Variants in NALCN observed in about 807,000 individuals in gnomAD.
NALCN encodes the protein sodium leak channel NALCN.
NALCN carries 111 observed loss-of-function variants against 225.3 expected under a neutral mutation model. The ratio of observed to expected loss-of-function variants is 0.49; its 90% confidence interval spans 0.42 to 0.58. NALCN has a LOEUF of 0.58. Ranked by LOEUF, NALCN falls within the 20% of genes least tolerant of loss-of-function variation. NALCN has a pLI of 0.00. For synonymous variants in NALCN, 764 were observed against 769.0 expected, an observed-to-expected ratio of 0.99 and a Z score of 0.11; for missense variants, 1,378 against 2,202.4, an observed-to-expected ratio of 0.63 and a Z score of 7.49.
chr13:101,224,603 T>TC (rs1459018310), intron 13 of NALCN, among the ~76,000 whole-genome samples: 8 of 152,236 alleles, frequency 5.3e-5, no homozygotes, highest in African/African-American at 1.4e-4. Context: ...ACACAGCCCT[T>TC]CCTACACCCC....
chr13:101,353,341 C>T (rs1446027661), intron 6 of NALCN, among the ~76,000 whole-genome samples: 1 of 152,166 alleles, frequency 6.6e-6, no homozygotes, highest in Non-Finnish European at 1.5e-5. Context: ...TTACAGAAAA[C>T]TTAGTCTGGC....
intron 15 of NALCN, among the ~76,000 whole-genome samples, chr13:101,159,543 G>A (rs183158680): frequency 6.6e-6 from 1 of 152,178 alleles, no homozygotes; most frequent in Non-Finnish European, 1.5e-5. Flanking sequence ...AGAAAACCAT[G>A]CAGCATGAAC....
intron 9 of NALCN, among the ~76,000 whole-genome samples, chr13:101,289,367 TG>T (rs2043462425): frequency 6.6e-6 from 1 of 152,172 alleles, no homozygotes; most frequent in Non-Finnish European, 1.5e-5. Flanking sequence ...AGGCATTTGG[TG>T]GTGACCATTC....
At chr13:101,319,721 A>G (rs767081293) in intron 7 of NALCN, among the ~76,000 whole-genome samples, 2 of 152,186 alleles carry the variant, frequency 1.3e-5, no homozygotes, top group Non-Finnish European at 2.9e-5. Flanking sequence ...TGCATAGAAG[A>G]AGGATTTTCT....
At chr13:101,398,882 C>T in intron 2 of NALCN, 137 bp downstream of exon 2, 1 of 587,124 alleles carries the variant, frequency 1.7e-6, no homozygotes, top group Non-Finnish European at 3.1e-6. Context: ...TTGTTCTCTA[C>T]TTCCAGACTC....
At chr13:101,363,664 T>C (rs2046308110) in intron 6 of NALCN, among the ~76,000 whole-genome samples, 1 of 152,084 alleles carries the variant, frequency 6.6e-6, no homozygotes, top group Admixed American at 6.6e-5. Flanking sequence ...TCCAGGACAC[T>C]GGACTGGGCA....
At chr13:101,086,227 T>C (rs1033386514) in intron 30 of NALCN, among the ~76,000 whole-genome samples, 5 of 152,040 alleles carry the variant, frequency 3.3e-5, no homozygotes, top group Admixed American at 2.0e-4. Context: ...CCCCCTACTT[T>C]ATTTGATTTT....
chr13:101,319,298 T>C (rs2044663662), intron 7 of NALCN, among the ~76,000 whole-genome samples: 1 of 152,168 alleles, frequency 6.6e-6, no homozygotes, highest in Admixed American at 6.6e-5. Context: ...CTGCAGCCTC[T>C]CCCACCTATT....
intron 27 of NALCN, among the ~76,000 whole-genome samples, chr13:101,097,887 T>C (rs561708618): frequency 1.1e-4 from 17 of 152,332 alleles, no homozygotes; most frequent in Admixed American, 7.8e-4. Context: ...TGAGATCAGG[T>C]TAGGTACTTC....
At chr13:101,174,709 A>G (rs1180468297) in intron 15 of NALCN, among the ~76,000 whole-genome samples, 1 of 152,230 alleles carries the variant, frequency 6.6e-6, no homozygotes, top group Non-Finnish European at 1.5e-5. Context: ...TTCCAGCAGA[A>G]AAATTATTTT....
At chr13:101,272,117 CTGTG>C (rs552775213) in intron 10 of NALCN, among the ~76,000 whole-genome samples, 12 of 151,056 alleles carry the variant, frequency 7.9e-5, no homozygotes, top group Non-Finnish European at 1.0e-4. Context: ...GTCTGTGTCA[CTGTG>C]TGTGTTTGAG....
chr13:101,110,665 CT>C lies in NALCN; in HGVS notation c.2317del (p.Ser773AlafsTer13). The C allele has an allele frequency of 6.2e-7, 1 of 1,614,106 alleles. No individual in the cohort carries two copies. The highest frequency in any genetic ancestry group is 1.1e-5 in the South Asian group (1 of 91,088). On this transcript the variant is annotated frameshift_variant, in exon 20 of 44. Transcript: ENST00000251127. LOFTEE classifies it high-confidence loss of function. ...ERRSLRHGSN[S>X]QRISRGKSLE... is the part of the protein sequence containing the mutation. ...AGATTTTCCCCTGCTGATCCTCTGGCTGTTTGATCCATGTCTTAGTGACCTA... is the reference window on the plus strand; with the variant it reads ...AGATTTTCCCCTGCTGATCCTCTGGCGTTTGATCCATGTCTTAGTGACCTA...
chr13:101,124,581 A>C (rs1287596827), intron 18 of NALCN, 27 bp downstream of exon 18: 11 of 1,586,260 alleles, frequency 6.9e-6, no homozygotes, highest in African/African-American at 1.3e-5. Flanking sequence ...TTGTGTTTAA[A>C]TATGTGTCAA....
chr13:101,279,144 T>C (rs1392425918), intron 10 of NALCN, among the ~76,000 whole-genome samples: 1 of 152,178 alleles, frequency 6.6e-6, no homozygotes, highest in Non-Finnish European at 1.5e-5. Context: ...TTTATTTTAT[T>C]AAAATTATGA....
intron 28 of NALCN, among the ~76,000 whole-genome samples, chr13:101,094,054 C>T (rs1439293651): frequency 6.6e-6 from 1 of 152,200 alleles, no homozygotes; most frequent in Non-Finnish European, 1.5e-5. Flanking sequence ...CCAGGAGTGC[C>T]TCATTGCACC....
At chr13:101,196,161 T>C (rs2140020289) in intron 13 of NALCN, among the ~76,000 whole-genome samples, 1 of 150,878 alleles carries the variant, frequency 6.6e-6, no homozygotes, top group Admixed American at 6.6e-5. Flanking sequence ...ATTTGAGCCA[T>C]TTTTTTTTAA....
intron 7 of NALCN, among the ~76,000 whole-genome samples, chr13:101,297,520 C>A (rs1399745467): frequency 6.6e-6 from 1 of 152,234 alleles, no homozygotes; most frequent in Non-Finnish European, 1.5e-5. Context: ...ATATGGAACA[C>A]CCCATCTTCT....
In NALCN at chr13:101,104,772, A is replaced by G. The variant is rs544861330; in HGVS notation, c.2636+122T>C. On this transcript the variant is annotated intron_variant, in intron 23 of 43. Coordinates refer to ENST00000251127, the MANE Select transcript of NALCN (RefSeq NM_052867.4). This position sits in a 1 kb window ranked among gnomAD's most constrained non-coding sequence, Gnocchi z 4.2. Reference sequence around the variant, plus strand: ...GGTATTTTAAAAACATCATTCCCCAATCATCTATTTCATAGCACTATATAG... The same window carrying G: ...GGTATTTTAAAAACATCATTCCCCAGTCATCTATTTCATAGCACTATATAG... 4.8e-5 allele frequency: 74 copies of G among 1,547,044 alleles called. No individual in the cohort carries two copies. The African/African-American group carries it at 8.8e-4, about 18-fold the overall frequency.
Position 101,234,863 on chromosome 13 carries a change from C to T in NALCN, c.1434+2892G>A, listed in dbSNP as rs569510222. ...ATCTATCTATCTATCATCTACCTAT[C>T]TATCTATCTATCATCTGTCTATCTA... On this transcript the variant is annotated intron_variant, in intron 12 of 43. Coordinates refer to ENST00000251127, the MANE Select transcript of NALCN (RefSeq NM_052867.4). Among the ~76,000 whole-genome samples the T allele has an allele frequency of 2.0e-5, 3 of 151,296 alleles. No homozygotes were observed. The East Asian group carries it at 5.8e-4, about 29-fold the overall frequency.
Sources: allele counts gnomAD v4.1 joint callset (sites outside exome capture counted in the v4.1 genomes callset), GRCh38; gene constraint gnomAD v4.1.1; non-coding constraint Gnocchi (gnomAD v3.1); transcripts MANE v1.5; gene names NCBI Gene and HGNC (gene_info 2026-07-23, HGNC 2026-07-21).